Variants in INSL6 observed in about 807,000 individuals in gnomAD.
INSL6 encodes the protein insulin-like peptide INSL6.
A neutral mutation model predicts 9.4 loss-of-function variants in INSL6; 16 were observed. The observed-to-expected ratio is 1.70, with a 90% confidence interval of 1.15 to 2.59. The LOEUF is 2.59. INSL6 is among the 30% of genes most tolerant of loss of function. The pLI is 0.00. For synonymous variants in INSL6, 154 were observed against 96.9 expected, an observed-to-expected ratio of 1.59 and a Z score of -3.46; for missense variants, 391 against 257.3, an observed-to-expected ratio of 1.52 and a Z score of -3.56.
At chr9:5,136,877 G>A (rs139527748) in intron 2 of INSL6, among the ~76,000 whole-genome samples, 32 of 152,238 alleles carry the variant, frequency 2.1e-4, no homozygotes, top group African/African-American at 6.0e-4. Context: ...AAACCCCATC[G>A]TCTCAGCCCA....
At chr9:5,110,800 G>A in the INSL6 span, 3 of 416,114 alleles carry the variant, frequency 7.2e-6, no homozygotes, top group Non-Finnish European at 1.4e-5. Context: ...CACGCGCGAC[G>A]CCTGGGGGCC....
intron 1 of INSL6, among the ~76,000 whole-genome samples, chr9:5,181,111 G>A (rs976907831): frequency 1.3e-5 from 2 of 152,022 alleles, no homozygotes; most frequent in South Asian, 2.1e-4. Context: ...TATTGGGGGC[G>A]GGTTCCCCTG....
At chr9:5,072,550 T>A in the INSL6 span, 3 of 1,610,458 alleles carry the variant, frequency 1.9e-6, no homozygotes, top group Non-Finnish European at 2.5e-6. Flanking sequence ...CGAAGAGAAG[T>A]AGGAGACTAC....
At chr9:5,004,070 A>G in the INSL6 span, among the ~76,000 whole-genome samples, 5 of 152,198 alleles carry the variant, frequency 3.3e-5, no homozygotes, top group African/African-American at 1.2e-4. Flanking sequence ...TGTTATATGT[A>G]TACATTGCAG....
At chr9:5,128,192 G>A (rs1177583508) in intron 3 of INSL6, 2 of 229,874 alleles carry the variant, frequency 8.7e-6, no homozygotes, top group East Asian at 6.1e-5. Context: ...TATTTTTACT[G>A]GTATGTTCTA....
the INSL6 span, chr9:5,110,685 CCTTT>C: frequency 2.8e-5 from 9 of 322,022 alleles, no homozygotes; most frequent in Non-Finnish European, 5.5e-5. Context: ...ACGCCTGAGC[CCTTT>C]CTATTACTCT....
chr9:4,998,473 T>G, the INSL6 span, among the ~76,000 whole-genome samples: 1 of 152,132 alleles, frequency 6.6e-6, no homozygotes, highest in African/African-American at 2.4e-5. Flanking sequence ...GTCAGGCTGG[T>G]CTCGAACTCC....
chr9:5,069,965 T>C, the INSL6 span: 1 of 1,607,378 alleles, frequency 6.2e-7, no homozygotes, highest in African/African-American at 1.3e-5. Flanking sequence ...ATGGTGTTTC[T>C]GATGTACCAA....
chr9:5,085,209 T>G, the INSL6 span: 1 of 664,380 alleles, frequency 1.5e-6, no homozygotes, highest in Non-Finnish European at 2.9e-6. Flanking sequence ...CATTCATTTC[T>G]GGGAACTGCT....
chr9:5,078,478 A>G, the INSL6 span: 1 of 1,560,976 alleles, frequency 6.4e-7, no homozygotes, highest in Non-Finnish European at 8.7e-7. Context: ...TAATGTTACT[A>G]AGCTTTACTT....
rs554712212 is a variant in INSL6 at position 5,167,003 on chromosome 9, AC to A, written c.290-2739del. On this transcript the variant is annotated intron_variant, in intron 1 of 1. Transcript: ENST00000381641. ...GAAACACCTTTGCTCTGCAGCTCCC[AC>A]CGAAAAGGACAAAAATGGCAAGTGG... is the stretch of plus-strand genomic sequence containing the variant. Among the ~76,000 whole-genome samples, 447 of 152,276 alleles carry A rather than the reference AC, an allele frequency of 2.9e-3. 3 individuals are homozygous for A. The highest frequency in any genetic ancestry group is 0.01 in the African/African-American group (424 of 41,564).
At chr9:5,047,820 C>T in the INSL6 span, among the ~76,000 whole-genome samples, 23 of 152,106 alleles carry the variant, frequency 1.5e-4, no homozygotes, top group African/African-American at 5.3e-4. Context: ...AGGCTGGTTT[C>T]AAACACCTGG....
the INSL6 span, among the ~76,000 whole-genome samples, chr9:5,028,563 A>C: frequency 1.3e-5 from 2 of 152,224 alleles, no homozygotes; most frequent in Admixed American, 6.5e-5. Context: ...ACTTCTTTCT[A>C]GCTATGAAAC....
intron 1 of INSL6, among the ~76,000 whole-genome samples, chr9:5,179,835 C>T (rs575242095): frequency 3.9e-5 from 6 of 152,100 alleles, no homozygotes; most frequent in Non-Finnish European, 8.8e-5. Context: ...CACACTGGGG[C>T]CTGCCTGACA....
chr9:5,149,579 A>C (rs1000567565), intron 2 of INSL6, among the ~76,000 whole-genome samples: 2 of 152,232 alleles, frequency 1.3e-5, no homozygotes, highest in African/African-American at 4.8e-5. Context: ...GCAGTGATGA[A>C]AGAAATTATA....
At chr9:5,007,026 C>G in the INSL6 span, among the ~76,000 whole-genome samples, 1 of 151,748 alleles carries the variant, frequency 6.6e-6, no homozygotes, top group Non-Finnish European at 1.5e-5. Flanking sequence ...TTCTTTTTTT[C>G]TTGATCAGTC....
chr9:5,127,750 TTTTTAAA>T (rs1186100025), intron 3 of INSL6: 7 of 232,552 alleles, frequency 3.0e-5, no homozygotes, highest in Non-Finnish European at 5.1e-5. Flanking sequence ...ATTAGATTGT[TTTTTAAA>T]AATGGATAGC....
chr9:5,014,121 T>C, the INSL6 span, among the ~76,000 whole-genome samples: 3 of 152,044 alleles, frequency 2.0e-5, no homozygotes, highest in South Asian at 6.2e-4. Context: ...TGAGTGTATG[T>C]GTACAGTTGA....
At chr9:5,024,116 T>G in the INSL6 span, among the ~76,000 whole-genome samples, 1 of 151,890 alleles carries the variant, frequency 6.6e-6, no homozygotes, top group South Asian at 2.1e-4. Flanking sequence ...ATTAGCCAGG[T>G]GTGGTGGTGG....
Sources: allele counts gnomAD v4.1 joint callset (sites outside exome capture counted in the v4.1 genomes callset), GRCh38; gene constraint gnomAD v4.1.1; transcripts MANE v1.5; gene names NCBI Gene and HGNC (gene_info 2026-07-23, HGNC 2026-07-21).